MSRA: variants seen among roughly 807,000 people sequenced by gnomAD.
MSRA encodes mitochondrial peptide methionine sulfoxide reductase.
Under a neutral mutation model 31.3 loss-of-function variants are expected in MSRA, and 54 were observed. That is an observed-to-expected ratio of 1.73 (90% CI 1.39 to 2.17). MSRA has a LOEUF of 2.17. Among genes scored for constraint, MSRA ranks in the 30% most tolerant of loss-of-function variants. MSRA has a pLI of 0.00. For missense variants in MSRA, 507 were observed against 300.9 expected (o/e 1.69, Z -5.07); for synonymous variants, 169 against 116.5 (o/e 1.45, Z -2.90).
chr8:10,188,882 A>G (rs1430510401), intron 1 of MSRA, among the ~76,000 whole-genome samples: 4 of 152,226 alleles, frequency 2.6e-5, no homozygotes, highest in Non-Finnish European at 1.5e-5. Flanking sequence ...TAAACTTTAG[A>G]GTCAATTCAT....
intron 1 of MSRA, among the ~76,000 whole-genome samples, chr8:10,176,675 T>G (rs969128334): frequency 2.0e-5 from 3 of 152,244 alleles, no homozygotes; most frequent in African/African-American, 4.8e-5. Flanking sequence ...AAGATACTTC[T>G]GTGCAAAGGC....
intron 5 of MSRA, among the ~76,000 whole-genome samples, chr8:10,425,968 G>A (rs571149177): frequency 2.1e-4 from 32 of 152,186 alleles, no homozygotes; most frequent in Non-Finnish European, 4.4e-4. Flanking sequence ...CTCTGGTGCT[G>A]CCTGGAGCAG....
chr8:10,343,761 C>T (rs773592339), intron 5 of MSRA, among the ~76,000 whole-genome samples: 3 of 152,168 alleles, frequency 2.0e-5, no homozygotes, highest in African/African-American at 7.2e-5. Flanking sequence ...TTGAAGACTT[C>T]ATATGCAAAC....
At chr8:10,395,873 T>G (rs1430424812) in intron 5 of MSRA, among the ~76,000 whole-genome samples, 1 of 152,010 alleles carries the variant, frequency 6.6e-6, no homozygotes, top group Non-Finnish European at 1.5e-5. Flanking sequence ...TAGGCACACA[T>G]CCCCCTTCTG....
chr8:10,313,046 T>C (rs1018735913), intron 4 of MSRA, among the ~76,000 whole-genome samples: 3 of 152,198 alleles, frequency 2.0e-5, no homozygotes, highest in African/African-American at 7.2e-5. Context: ...TGTATGCTGA[T>C]TGAAAAATCC....
At chr8:10,393,531 T>G (rs1585668179) in intron 5 of MSRA, among the ~76,000 whole-genome samples, 1 of 152,044 alleles carries the variant, frequency 6.6e-6, no homozygotes, top group African/African-American at 2.4e-5. Context: ...GTAGGCATGG[T>G]GTTGTGACTG....
chr8:10,258,675 C>G (rs1201990695), intron 3 of MSRA, among the ~76,000 whole-genome samples: 1 of 152,194 alleles, frequency 6.6e-6, no homozygotes, highest in African/African-American at 2.4e-5. Context: ...AAAGTCTCTC[C>G]TAAGTTCTGA....
At chr8:10,312,607 G>T (rs1801493247) in intron 4 of MSRA, among the ~76,000 whole-genome samples, 1 of 152,162 alleles carries the variant, frequency 6.6e-6, no homozygotes, top group African/African-American at 2.4e-5. Flanking sequence ...AAAGAAAATT[G>T]TAGGACAATC....
intron 5 of MSRA, among the ~76,000 whole-genome samples, chr8:10,365,585 A>G (rs1335769317): frequency 6.6e-6 from 1 of 152,224 alleles, no homozygotes; most frequent in Non-Finnish European, 1.5e-5. Context: ...ATTCTCCCCC[A>G]AAATAGCCAT....
Position 10,095,931 on chromosome 8 carries a change from G to T in MSRA, c.142+41273G>T, listed in dbSNP as rs1275380631. On this transcript the variant is annotated intron_variant, in intron 1 of 5. Coordinates refer to ENST00000317173, the MANE Select transcript of MSRA (RefSeq NM_012331.5). ...CAGGATTAATATAGAAGATGGCAAG[G>T]CAAATTTCTAATTAGAGGGAATATT... 4.5e-6 allele frequency: 6 copies of T among 1,336,492 alleles called. No homozygotes were observed. In the Admixed American group the frequency reaches 2.1e-4, roughly 46 times the overall value. The allele number at this position is 1,336,492 out of a possible 1,614,324, so 82.8% of individuals were successfully genotyped here.
At chr8:10,322,008 A>G (rs975962938) in intron 5 of MSRA, among the ~76,000 whole-genome samples, 1 of 152,148 alleles carries the variant, frequency 6.6e-6, no homozygotes, top group Non-Finnish European at 1.5e-5. Flanking sequence ...TTTTACCTAT[A>G]TATTCTTTCT....
chr8:10,134,245 C>A (rs996145532), intron 1 of MSRA, among the ~76,000 whole-genome samples: 1 of 152,218 alleles, frequency 6.6e-6, no homozygotes, highest in African/African-American at 2.4e-5. Flanking sequence ...CTGGAAGTGT[C>A]ATGATATTCC....
intron 1 of MSRA, among the ~76,000 whole-genome samples, chr8:10,153,362 C>G (rs1207645346): frequency 6.6e-6 from 1 of 152,142 alleles, no homozygotes; most frequent in Non-Finnish European, 1.5e-5. Flanking sequence ...CTCCTGATGG[C>G]TCATCCTGTC....
At chr8:10,242,096 A>AC (rs1243948104) in intron 2 of MSRA, among the ~76,000 whole-genome samples, 1 of 152,206 alleles carries the variant, frequency 6.6e-6, no homozygotes, top group Non-Finnish European at 1.5e-5. Flanking sequence ...ACATGGCGAA[A>AC]CCCCATCTCT....
chr8:10,318,346 G>C (rs1801844373), intron 4 of MSRA, among the ~76,000 whole-genome samples: 1 of 152,158 alleles, frequency 6.6e-6, no homozygotes, highest in Admixed American at 6.5e-5. Flanking sequence ...ACCTCGCACA[G>C]GGAAGTACAG....
chr8:10,399,521 C>T (rs1239557305), intron 5 of MSRA, among the ~76,000 whole-genome samples: 1 of 152,168 alleles, frequency 6.6e-6, no homozygotes, highest in Non-Finnish European at 1.5e-5. Flanking sequence ...CACCTGCTAC[C>T]ACTTTGCCTT....
At chr8:10,416,098 A>G (rs1808443387) in intron 5 of MSRA, among the ~76,000 whole-genome samples, 1 of 152,046 alleles carries the variant, frequency 6.6e-6, no homozygotes, top group Non-Finnish European at 1.5e-5. Flanking sequence ...CTGCTTCCCC[A>G]GCACCTGGCA....
chr8:10,271,279 G>T (rs1186402609), intron 3 of MSRA, among the ~76,000 whole-genome samples: 1 of 152,086 alleles, frequency 6.6e-6, no homozygotes, highest in African/African-American at 2.4e-5. Flanking sequence ...TACCTACCAT[G>T]GGGAAGCAAG....
chr8:10,216,979 A>G (rs923043246), intron 2 of MSRA, among the ~76,000 whole-genome samples: 12 of 152,190 alleles, frequency 7.9e-5, no homozygotes, highest in Non-Finnish European at 1.6e-4. Flanking sequence ...AGGAGCTGCC[A>G]TATCATTTTC....
Sources: allele counts gnomAD v4.1 joint callset (sites outside exome capture counted in the v4.1 genomes callset), GRCh38; gene constraint gnomAD v4.1.1; transcripts MANE v1.5; gene names NCBI Gene and HGNC (gene_info 2026-07-23, HGNC 2026-07-21).